LRRTM4: variants seen among roughly 807,000 people sequenced by gnomAD.
LRRTM4 encodes leucine rich repeat transmembrane neuronal 4.
A neutral mutation model predicts 47.6 loss-of-function variants in LRRTM4; 25 were observed. The observed-to-expected ratio is 0.53, with a 90% confidence interval of 0.38 to 0.73. The LOEUF (loss-of-function observed/expected upper bound fraction) is 0.73. LRRTM4 is among the 30% of genes least tolerant of loss of function. LRRTM4 has a pLI of 0.00. For synonymous variants in LRRTM4, 311 were observed against 269.5 expected, an observed-to-expected ratio of 1.15 and a Z score of -1.51; for missense variants, 638 against 713.4, an observed-to-expected ratio of 0.89 and a Z score of 1.20.
intron 3 of LRRTM4, among the ~76,000 whole-genome samples, chr2:77,230,595 T>G (rs189532463): frequency 5.3e-5 from 8 of 152,264 alleles, no homozygotes; most frequent in Admixed American, 5.2e-4. Context: ...TCCTAAAACT[T>G]TTGTTGATGT....
chr2:77,220,285 A>C (rs191726618), intron 3 of LRRTM4, among the ~76,000 whole-genome samples: 1 of 152,208 alleles, frequency 6.6e-6, no homozygotes, highest in Admixed American at 6.5e-5. Context: ...CGGAAACTCT[A>C]AAAATCAGAG....
At chr2:76,941,577 T>C (rs1675144046) in intron 3 of LRRTM4, among the ~76,000 whole-genome samples, 1 of 152,074 alleles carries the variant, frequency 6.6e-6, no homozygotes, top group Admixed American at 6.6e-5. Context: ...TGGTTTTTTG[T>C]TCCTGTTTTA....
At chr2:77,484,603 T>A (rs1375225446) in intron 3 of LRRTM4, among the ~76,000 whole-genome samples, 1 of 152,216 alleles carries the variant, frequency 6.6e-6, no homozygotes, top group Non-Finnish European at 1.5e-5. Flanking sequence ...ACATTAGTAA[T>A]TAGGATAAAA....
At chr2:77,108,834 C>T (rs556429933) in intron 3 of LRRTM4, among the ~76,000 whole-genome samples, 5 of 152,166 alleles carry the variant, frequency 3.3e-5, no homozygotes, top group East Asian at 1.9e-4. Flanking sequence ...CCGCCCGCCT[C>T]GGCCTCCCAA....
intron 3 of LRRTM4, among the ~76,000 whole-genome samples, chr2:77,505,760 A>AT (rs764274102): frequency 5.9e-5 from 9 of 151,812 alleles, no homozygotes; most frequent in South Asian, 4.1e-4. Flanking sequence ...TCATATCTGT[A>AT]TTAGAATTTT....
chr2:76,922,397 C>T (rs543665367), intron 3 of LRRTM4, among the ~76,000 whole-genome samples: 1 of 152,112 alleles, frequency 6.6e-6, no homozygotes, highest in Admixed American at 6.6e-5. Flanking sequence ...GTGGGAAGTG[C>T]CACATACTTT....
chr2:76,940,661 A>G (rs533805984), intron 3 of LRRTM4, among the ~76,000 whole-genome samples: 2 of 152,126 alleles, frequency 1.3e-5, no homozygotes, highest in African/African-American at 2.4e-5. Context: ...ACAAACAAAT[A>G]TTTTGTTGTT....
intron 3 of LRRTM4, among the ~76,000 whole-genome samples, chr2:77,071,146 C>T (rs1323764977): frequency 6.6e-6 from 1 of 152,072 alleles, no homozygotes; most frequent in African/African-American, 2.4e-5. Flanking sequence ...TACACACCTT[C>T]AATGCCAAAA....
At chr2:77,496,882 T>G (rs1259275272) in intron 3 of LRRTM4, among the ~76,000 whole-genome samples, 1 of 151,808 alleles carries the variant, frequency 6.6e-6, no homozygotes, top group Non-Finnish European at 1.5e-5. Context: ...CATTATTTCT[T>G]TATTCAATGT....
chr2:76,976,849 A>G (rs1267529521), intron 3 of LRRTM4, among the ~76,000 whole-genome samples: 3 of 151,884 alleles, frequency 2.0e-5, no homozygotes, highest in Non-Finnish European at 2.9e-5. Context: ...TTGAATGCTC[A>G]TAACACAAAG....
intron 3 of LRRTM4, among the ~76,000 whole-genome samples, chr2:77,238,823 A>G (rs754480878): frequency 8.5e-5 from 13 of 152,108 alleles, no homozygotes; most frequent in Middle Eastern, 3.4e-3. Flanking sequence ...GAAAGAAACC[A>G]AAATGTCAAA....
intron 3 of LRRTM4, among the ~76,000 whole-genome samples, chr2:76,807,852 A>G (rs1471675304): frequency 6.6e-6 from 1 of 150,546 alleles, no homozygotes; most frequent in Non-Finnish European, 1.5e-5. Context: ...AAGTGCTGGG[A>G]TTACAGGTGT....
rs144599711 is a variant in LRRTM4, at chr2:77,496,533, T to C, written c.1551+21785A>G. Among the ~76,000 whole-genome samples the C allele has an allele frequency of 2.0e-5, 3 of 151,912 alleles. No individual in the cohort carries two copies. The East Asian group carries it at 5.8e-4, about 29-fold the overall frequency. On this transcript the variant is annotated intron_variant, in intron 3 of 3. Coordinates refer to ENST00000409884, the MANE Select transcript of LRRTM4 (RefSeq NM_001134745.3). Reference sequence around the variant, plus strand: ...CTATTTTGCTGAATTATTATTAGAATTGTATGTTAAATTTTCTCAAACGCT... The same window carrying C: ...CTATTTTGCTGAATTATTATTAGAACTGTATGTTAAATTTTCTCAAACGCT...
intron 3 of LRRTM4, among the ~76,000 whole-genome samples, chr2:77,432,461 T>A (rs1338757894): frequency 6.6e-6 from 1 of 152,250 alleles, no homozygotes; most frequent in Admixed American, 6.5e-5. Flanking sequence ...GTAAGGTATA[T>A]CCTTTAAATA....
rs150507686 is a variant in LRRTM4 at position 76,900,518 on chromosome 2, T to A, written c.1552-151602A>T. Reference sequence around the variant, plus strand: ...TGGGTTTGTTTTGGTCTTTCTTGTGTGCCAAAGCATAAAATAGTTCCTGGT... The same window carrying A: ...TGGGTTTGTTTTGGTCTTTCTTGTGAGCCAAAGCATAAAATAGTTCCTGGT... On this transcript the variant is annotated intron_variant, in intron 3 of 3. Coordinates refer to ENST00000409884, the MANE Select transcript of LRRTM4 (RefSeq NM_001134745.3). Among the ~76,000 whole-genome samples the A allele has an allele frequency of 1.4e-3, 215 of 152,248 alleles. 2 individuals carry two copies. Among genetic ancestry groups the A allele is most frequent in the Admixed American group, 0.011 (174 of 15,278 alleles).
chr2:76,931,881 A>G (rs888358178), intron 3 of LRRTM4, among the ~76,000 whole-genome samples: 20 of 152,142 alleles, frequency 1.3e-4, no homozygotes, highest in Admixed American at 6.5e-5. Context: ...CCTACTAATA[A>G]TTTCAATATT....
intron 3 of LRRTM4, among the ~76,000 whole-genome samples, chr2:77,291,518 T>C (rs1403031149): frequency 6.6e-6 from 1 of 152,054 alleles, no homozygotes; most frequent in Middle Eastern, 3.2e-3. Flanking sequence ...AAATAAAGAT[T>C]GCCAGTAAAG....
chr2:76,767,710 CCTTAA>C (rs1316730585), intron 3 of LRRTM4, among the ~76,000 whole-genome samples: 1 of 152,126 alleles, frequency 6.6e-6, no homozygotes, highest in African/African-American at 2.4e-5. Context: ...TACTTCTCTT[CCTTAA>C]CTTCTTTCCT....
chr2:76,913,201 T>A (rs1674131022), intron 3 of LRRTM4, among the ~76,000 whole-genome samples: 1 of 152,190 alleles, frequency 6.6e-6, no homozygotes, highest in Admixed American at 6.5e-5. Flanking sequence ...AATATTGTTA[T>A]ATTTATTGAT....
Sources: allele counts gnomAD v4.1 joint callset (sites outside exome capture counted in the v4.1 genomes callset), GRCh38; gene constraint gnomAD v4.1.1; transcripts MANE v1.5; gene names NCBI Gene and HGNC (gene_info 2026-07-23, HGNC 2026-07-21).